DTNA: variants seen among roughly 807,000 people sequenced by gnomAD.
The protein encoded by DTNA is dystrophin-related protein 3.
Under a neutral mutation model 100.7 loss-of-function variants are expected in DTNA, and 43 were observed. The ratio of observed to expected loss-of-function variants is 0.43; its 90% confidence interval spans 0.33 to 0.55. DTNA has a LOEUF of 0.55. Among genes scored for constraint, DTNA ranks in the 20% least tolerant of loss-of-function variants. The pLI, the probability that DTNA is intolerant of heterozygous loss-of-function variation, is 0.04. For synonymous variants in DTNA, 349 were observed against 347.9 expected, an observed-to-expected ratio of 1.00 and a Z score of -0.04; for missense variants, 798 against 953.9, an observed-to-expected ratio of 0.84 and a Z score of 2.15.
At position 34,844,987 on chromosome 18, in the gene DTNA, C is replaced by T. The variant is rs2149813698; in HGVS notation, c.1347-3309C>T. Among the ~76,000 whole-genome samples the T allele has an allele frequency of 2.0e-5, 3 of 152,260 alleles. No homozygotes were observed. The South Asian group carries it at 6.2e-4, about 32-fold the overall frequency. On this transcript the variant is annotated intron_variant, in intron 13 of 22. Transcript: ENST00000444659. ...TTTTCCTGCTCTGAAATGCCGTCAA[C>T]ACTGCAATCACTTGTTAATTCATCA...
chr18:34,772,525 C>T (rs2093829309), intron 3 of DTNA, among the ~76,000 whole-genome samples: 1 of 152,180 alleles, frequency 6.6e-6, no homozygotes, highest in Non-Finnish European at 1.5e-5. Flanking sequence ...AGATTCATTT[C>T]TCACCAGTCA....
chr18:34,890,725 T>C lies in DTNA; in HGVS notation c.*2991T>C, dbSNP rs953175096. ...TGGTCAGAGGGAGTTGTGCTGGAGA[T>C]TGTGAAAAATGGGTTCTTGAATGAT... On this transcript the variant is annotated 3_prime_UTR_variant, in exon 23 of 23. Coordinates refer to ENST00000444659, the MANE Select transcript of DTNA (RefSeq NM_001386795.1). 1.1e-5 allele frequency: 5 copies of C among 462,080 alleles called. No homozygotes were observed. The Admixed American group carries it at 1.4e-4, about 13-fold the overall frequency. 28.6% of individuals were successfully genotyped at this position (462,080 alleles called of 1,614,324 possible).
At chr18:34,759,257 GT>G (rs747927207) in intron 2 of DTNA, among the ~76,000 whole-genome samples, 2 of 152,178 alleles carry the variant, frequency 1.3e-5, no homozygotes, top group Non-Finnish European at 2.9e-5. Context: ...GCTTAAATAA[GT>G]TTATCAGACT....
At position 34,875,315 on chromosome 18, in the gene DTNA, C is replaced by T. The variant is rs773170065; in HGVS notation, c.1820C>T (p.Ala607Val). ...SRPIPMPIRS[A>V]SACSTPTHTP... ...CCAATTCCCATGCCCATCCGGTCAG[C>T]GTCAGCCTGCTCCACCCCGACGCAC... Residue 607 changes from alanine (A) to valine (V), a missense_variant, in exon 18 of 23, where the codon GCG (alanine) becomes GTG (valine). Coordinates refer to ENST00000444659, the MANE Select transcript of DTNA (RefSeq NM_001386795.1). 28 of 1,614,194 alleles carry T rather than the reference C, an allele frequency of 1.7e-5. No individual in the cohort carries two copies. The highest frequency in any genetic ancestry group is 3.3e-5 in the Admixed American group (2 of 60,030).
intron 1 of DTNA, among the ~76,000 whole-genome samples, chr18:34,628,397 C>A (rs1339133325): frequency 2.0e-5 from 3 of 152,120 alleles, no homozygotes; most frequent in Non-Finnish European, 4.4e-5. Context: ...TCCTGTTTTG[C>A]CATAAGGATC....
In DTNA at chr18:34,606,363, T is replaced by C. The variant is rs114964433; in HGVS notation, c.-2+112849T>C. On this transcript the variant is annotated intron_variant, in intron 1 of 19. Transcript: ENST00000283365. ...GAAAACATTTAATGTACTATGTTCT[T>C]TGACTATTTCACAACAAAAATATTT... Among the ~76,000 whole-genome samples the C allele has an allele frequency of 5.1e-3, 776 of 152,328 alleles. 10 individuals carry two copies. The highest frequency in any genetic ancestry group is 0.017 in the African/African-American group (722 of 41,592).
At chr18:34,793,690 G>A (rs532685331) in intron 3 of DTNA, among the ~76,000 whole-genome samples, 1 of 152,298 alleles carries the variant, frequency 6.6e-6, no homozygotes, top group Non-Finnish European at 1.5e-5. Flanking sequence ...CTGAATGCTA[G>A]TCTTGCCATT....
chr18:34,556,445 G>C (rs1397725976), intron 1 of DTNA, among the ~76,000 whole-genome samples: 1 of 150,612 alleles, frequency 6.6e-6, no homozygotes, highest in Admixed American at 6.6e-5. Flanking sequence ...CTCGTTAGTT[G>C]ATGCAGTTTC....
chr18:34,821,055 A>G (rs1327268541), intron 9 of DTNA, 140 bp downstream of exon 9: 1 of 1,304,298 alleles, frequency 7.7e-7, no homozygotes, highest in Admixed American at 2.0e-5. Context: ...GAGTAATGCC[A>G]TCATAATTTT....
At chr18:34,830,003 A>G (rs2095965277) in intron 11 of DTNA, among the ~76,000 whole-genome samples, 1 of 152,222 alleles carries the variant, frequency 6.6e-6, no homozygotes, top group African/African-American at 2.4e-5. Flanking sequence ...ACAATTTCAA[A>G]AACAGTTTCT....
chr18:34,846,976 A>T (rs1279680608), intron 13 of DTNA, among the ~76,000 whole-genome samples: 2 of 152,192 alleles, frequency 1.3e-5, no homozygotes. Context: ...ATAAGAACTG[A>T]TGCAGAAGAA....
chr18:34,666,946 C>T (rs1056311470), intron 1 of DTNA, among the ~76,000 whole-genome samples: 1 of 152,060 alleles, frequency 6.6e-6, no homozygotes, highest in African/African-American at 2.4e-5. Flanking sequence ...TAGTTTTTTT[C>T]CAATTCTGTG....
intron 1 of DTNA, among the ~76,000 whole-genome samples, chr18:34,687,758 T>C (rs1191742221): frequency 6.6e-6 from 1 of 152,208 alleles, no homozygotes; most frequent in Non-Finnish European, 1.5e-5. Flanking sequence ...CCCACTATTA[T>C]TGTGTGGGAA....
At chr18:34,856,806 A>C (rs1448886214) in intron 15 of DTNA, among the ~76,000 whole-genome samples, 1 of 152,222 alleles carries the variant, frequency 6.6e-6, no homozygotes, top group East Asian at 1.9e-4. Flanking sequence ...TACTCGATGC[A>C]CGTTACATAT....
chr18:34,627,320 T>C (rs956926617), intron 1 of DTNA, among the ~76,000 whole-genome samples: 1 of 152,172 alleles, frequency 6.6e-6, no homozygotes, highest in African/African-American at 2.4e-5. Flanking sequence ...GGAACCAACG[T>C]TCATTCCAAG....
intron 1 of DTNA, among the ~76,000 whole-genome samples, chr18:34,552,113 C>T (rs189572252): frequency 1.7e-3 from 263 of 152,114 alleles, no homozygotes; most frequent in African/African-American, 5.9e-3. Context: ...ATATTCTTCT[C>T]TTACTTTCCT....
intron 1 of DTNA, among the ~76,000 whole-genome samples, chr18:34,566,953 G>T (rs554751236): frequency 1.5e-4 from 23 of 152,246 alleles, no homozygotes; most frequent in African/African-American, 5.3e-4. Context: ...GTTTTTTAAG[G>T]TTAATAACTG....
chr18:34,608,254 G>T (rs1163111331), intron 1 of DTNA, among the ~76,000 whole-genome samples: 1 of 152,184 alleles, frequency 6.6e-6, no homozygotes, highest in Non-Finnish European at 1.5e-5. Flanking sequence ...GACCTATGAT[G>T]ACATGGTTTT....
At chr18:34,568,179 A>G (rs1023984053) in intron 1 of DTNA, among the ~76,000 whole-genome samples, 4 of 152,292 alleles carry the variant, frequency 2.6e-5, no homozygotes, top group African/African-American at 4.8e-5. Context: ...AAAATGAAAT[A>G]TGGGATTTCA....
Sources: allele counts gnomAD v4.1 joint callset (sites outside exome capture counted in the v4.1 genomes callset), GRCh38; gene constraint gnomAD v4.1.1; transcripts MANE v1.5; gene names NCBI Gene and HGNC (gene_info 2026-07-23, HGNC 2026-07-21).